The following LRP1B variants were observed in gnomAD, a reference collection of about 807,000 sequenced individuals.
LRP1B encodes the protein LDL receptor related protein 1B, also known as low-density lipoprotein receptor-related protein 1B.
A neutral mutation model predicts 556.6 loss-of-function variants in LRP1B; 217 were observed. That is an observed-to-expected ratio of 0.39 (90% CI 0.35 to 0.44). The LOEUF is 0.44. Among genes scored for constraint, LRP1B ranks in the 20% least tolerant of loss-of-function variants. The pLI is 1.00. For synonymous variants in LRP1B, 2,047 were observed against 1,865.8 expected (o/e 1.10, Z -2.50); for missense variants, 5,053 against 5,620.8 (o/e 0.90, Z 3.23).
At chr2:142,091,122 C>T (rs1433526433) in intron 1 of LRP1B, among the ~76,000 whole-genome samples, 2 of 152,010 alleles carry the variant, frequency 1.3e-5, no homozygotes, top group Admixed American at 6.6e-5. Context: ...ATTACCTGTT[C>T]TTTAAGCAAA....
At chr2:141,292,046 G>A (rs979765829) in intron 3 of LRP1B, among the ~76,000 whole-genome samples, 2 of 152,306 alleles carry the variant, frequency 1.3e-5, no homozygotes, top group Non-Finnish European at 1.5e-5. Context: ...GCAGCAGCAG[G>A]TGAGCATGGG....
intron 66 of LRP1B, among the ~76,000 whole-genome samples, chr2:140,440,693 T>C (rs549195169): frequency 6.6e-6 from 1 of 151,514 alleles, no homozygotes; most frequent in African/African-American, 2.4e-5. Flanking sequence ...ACAATAAAAT[T>C]GTGTAACTCA....
intron 1 of LRP1B, among the ~76,000 whole-genome samples, chr2:141,991,315 T>TCAG (rs1702337101): frequency 4.6e-5 from 7 of 152,046 alleles, no homozygotes; most frequent in African/African-American, 1.7e-4. Context: ...AACTATTATG[T>TCAG]CATTCACACT....
At chr2:141,092,139 T>G (rs1700185358) in intron 7 of LRP1B, among the ~76,000 whole-genome samples, 1 of 152,240 alleles carries the variant, frequency 6.6e-6, no homozygotes, top group Non-Finnish European at 1.5e-5. Context: ...TTTTGTTATA[T>G]GTTGCTGTTT....
chr2:141,111,471 T>C (rs1700748018), intron 7 of LRP1B, among the ~76,000 whole-genome samples: 2 of 152,142 alleles, frequency 1.3e-5, no homozygotes, highest in African/African-American at 4.8e-5. Flanking sequence ...TTGCTTTAGG[T>C]GGACAGTAAG....
chr2:140,269,889 A>T (rs1267362846), intron 86 of LRP1B, among the ~76,000 whole-genome samples: 2 of 152,080 alleles, frequency 1.3e-5, no homozygotes, highest in Non-Finnish European at 2.9e-5. Flanking sequence ...GTGAAAAAAA[A>T]TGGCCATAAG....
At chr2:141,203,059 C>G (rs1243957218) in intron 6 of LRP1B, among the ~76,000 whole-genome samples, 1 of 152,078 alleles carries the variant, frequency 6.6e-6, no homozygotes, top group Admixed American at 6.6e-5. Flanking sequence ...TGGAAAGGAA[C>G]AACTGGTACC....
intron 1 of LRP1B, among the ~76,000 whole-genome samples, chr2:142,025,109 C>G (rs1559029394): frequency 2.0e-5 from 3 of 151,902 alleles, no homozygotes; most frequent in Admixed American, 2.0e-4. Flanking sequence ...TTCTTATTTG[C>G]ATTACTGGGT....
intron 2 of LRP1B, among the ~76,000 whole-genome samples, chr2:141,607,160 A>C (rs199853270): frequency 2.7e-5 from 1 of 36,588 alleles, no homozygotes; most frequent in Non-Finnish European, 8.9e-5. Flanking sequence ...CTTTGACAAA[A>C]AAAAAAAAAC....
chr2:141,680,682 G>A (rs948599603), intron 2 of LRP1B, among the ~76,000 whole-genome samples: 9 of 152,276 alleles, frequency 5.9e-5, no homozygotes, highest in South Asian at 4.1e-4. Flanking sequence ...GAGGATGGGA[G>A]AGAAGCTATG....
At chr2:141,027,581 C>A (rs555935142) in intron 11 of LRP1B, among the ~76,000 whole-genome samples, 1 of 152,048 alleles carries the variant, frequency 6.6e-6, no homozygotes, top group African/African-American at 2.4e-5. Context: ...TATGAAAAAA[C>A]GGCTGATATT....
intron 60 of LRP1B, among the ~76,000 whole-genome samples, chr2:140,466,392 C>T (rs991717250): frequency 1.3e-5 from 2 of 152,104 alleles, no homozygotes; most frequent in African/African-American, 2.4e-5. Context: ...AAACACAGAA[C>T]TGCCCCCTCA....
chr2:141,005,416 G>C lies in LRP1B; in HGVS notation c.2422C>G (p.Leu808Val), dbSNP rs761635787. ...CRVNNGGCST[L>V]CLAIPGGRVC... ...CGGCCTCCTGGGATAGCCAAGCAAA[G>C]TGTACTACAGCCCCCATTATTTACT... The change falls in exon 15 of 91, where the codon CTT becomes GTT. Residue 808 changes from leucine to valine, a missense_variant. Transcript: ENST00000389484. 1 of 1,611,522 alleles carries C rather than the reference G, an allele frequency of 6.2e-7. No homozygotes were observed. The highest frequency in any genetic ancestry group is 8.5e-7 in the Non-Finnish European group (1 of 1,178,424).
At chr2:141,055,435 G>A (rs529550751) in intron 9 of LRP1B, among the ~76,000 whole-genome samples, 176 bp from the exon 10 acceptor site, 24 of 151,890 alleles carry the variant, frequency 1.6e-4, no homozygotes, top group Non-Finnish European at 2.7e-4. Flanking sequence ...CATAGAAGAG[G>A]AGACAGGGAT....
At chr2:141,001,174 G>A (rs1014283999) in intron 15 of LRP1B, among the ~76,000 whole-genome samples, 9 of 152,136 alleles carry the variant, frequency 5.9e-5, no homozygotes, top group Middle Eastern at 3.4e-3. Context: ...AGATCTCTGA[G>A]AGTTTGGCCT....
chr2:141,728,920 T>C (rs1455274163), intron 2 of LRP1B, among the ~76,000 whole-genome samples: 1 of 152,182 alleles, frequency 6.6e-6, no homozygotes, highest in Non-Finnish European at 1.5e-5. Flanking sequence ...GTCTCCCTTC[T>C]GTCTGAATTT....
intron 1 of LRP1B, among the ~76,000 whole-genome samples, chr2:141,912,160 T>A (rs1233376587): frequency 6.6e-6 from 1 of 152,162 alleles, no homozygotes; most frequent in East Asian, 1.9e-4. Flanking sequence ...TTTTTGGCTA[T>A]CATCTGTGCA....
At chr2:142,115,676 A>G (rs1181658182) in intron 1 of LRP1B, among the ~76,000 whole-genome samples, 1 of 13,304 alleles carries the variant, frequency 7.5e-5, no homozygotes, top group African/African-American at 2.6e-4. Context: ...TATATGTAAT[A>G]TATATATAAT....
intron 3 of LRP1B, among the ~76,000 whole-genome samples, chr2:141,400,937 T>C (rs16846007): frequency 0.2 from 30,521 of 152,144 alleles, 3,919 homozygotes; most frequent in East Asian, 0.42. Flanking sequence ...TATAGATGCA[T>C]CATTCCATTT....
Sources: gnomAD v4.1 joint callset for allele counts (sites outside exome capture counted in the v4.1 genomes callset) on GRCh38, gnomAD v4.1.1 for gene constraint, MANE v1.5 for transcripts, NCBI Gene and HGNC (gene_info 2026-07-23, HGNC 2026-07-21) for gene names.